MCM3AP: variants seen among roughly 807,000 people sequenced by gnomAD.
The protein encoded by MCM3AP is germinal-center associated nuclear protein.
Under a neutral mutation model 184.1 loss-of-function variants are expected in MCM3AP, and 126 were observed. That is an observed-to-expected ratio of 0.68 (90% CI 0.59 to 0.79). MCM3AP has a LOEUF of 0.79. Ranked by LOEUF, MCM3AP falls within the 30% of genes least tolerant of loss-of-function variation. MCM3AP has a pLI of 0.00. For missense variants in MCM3AP, 2,496 were observed against 2,479.2 expected (o/e 1.01, Z -0.14); for synonymous variants, 1,002 against 979.3 (o/e 1.02, Z -0.43).
In MCM3AP at chr21:46,284,239, T is replaced by A; in HGVS notation, c.1048A>T (p.Lys350Ter). The A allele has an allele frequency of 6.2e-7, 1 of 1,614,180 alleles. No homozygotes were observed. Among genetic ancestry groups the A allele is most frequent in the Non-Finnish European group, 8.5e-7 (1 of 1,180,026 alleles). The stretch of plus-strand genomic sequence containing the variant: ...TTGTTGCCCAGACGACCTACTTCCT[T>A]ATTGCTTTTGAAAACATCCTGTATC... ...RTIQDVFKSN[K>*]EVGRLGNKEA... The change falls in exon 1 of 28, where the codon AAG becomes TAG. Residue 350 changes from lysine (K) to a stop codon, truncating the protein, a stop_gained. Coordinates refer to ENST00000291688, the MANE Select transcript of MCM3AP (RefSeq NM_003906.5). LOFTEE classifies it high-confidence loss of function.
At chr21:46,244,658 T>A in intron 23 of MCM3AP, 149 bp downstream of exon 23, 1 of 835,664 alleles carries the variant, frequency 1.2e-6, no homozygotes, top group Non-Finnish European at 1.9e-6. Context: ...CAAAGGAAGG[T>A]GCAGGCGAGC....
Position 46,265,386 on chromosome 21 carries a change from G to A in MCM3AP, c.3169C>T (p.Leu1057Phe), listed in dbSNP as rs771684934. The change falls in exon 12 of 28, where the codon CTC becomes TTC. Residue 1057 changes from leucine to phenylalanine, a missense_variant. Leu to Phe is a conservative substitution (Grantham distance 22). Coordinates refer to ENST00000291688, the MANE Select transcript of MCM3AP (RefSeq NM_003906.5). ...TCAGGCTGCACAGACAGCTGGAAGA[G>A]GCTGGGCGCCACAGACGGGGTCAGT... ...LALTPSVAPSLFQLSVQPEPP... is the reference protein window; with the variant it reads ...LALTPSVAPSFFQLSVQPEPP... 18 of 1,613,984 alleles carry A rather than the reference G, an allele frequency of 1.1e-5. No homozygotes were observed. Among genetic ancestry groups the A allele is most frequent in the Non-Finnish European group, 1.5e-5 (18 of 1,180,042 alleles).
chr21:46,247,016 C>CA (rs1226777212), intron 20 of MCM3AP, 130 bp from the exon 21 acceptor site: 1 of 880,862 alleles, frequency 1.1e-6, no homozygotes, highest in Non-Finnish European at 1.8e-6. Flanking sequence ...GACAGGCCTC[C>CA]AAGGGCACAG....
At chr21:46,278,164 GA>G (rs10581831) in intron 4 of MCM3AP, among the ~76,000 whole-genome samples, 19,464 of 139,002 alleles carry the variant, frequency 0.14, 1,500 homozygotes, top group African/African-American at 0.23. Flanking sequence ...ACCACCCCCC[GA>G]AAAAAAAAAA....
At chr21:46,283,127 G>A (rs1201842706) in intron 2 of MCM3AP, among the ~76,000 whole-genome samples, 8 of 152,018 alleles carry the variant, frequency 5.3e-5, no homozygotes, top group East Asian at 1.9e-4. Context: ...GGGTTTCACC[G>A]TGTTAGCCAG....
chr21:46,267,243 G>A, intron 9 of MCM3AP, 101 bp from the exon 10 acceptor site: 5 of 1,151,062 alleles, frequency 4.3e-6, no homozygotes, highest in Non-Finnish European at 6.2e-6. Context: ...GGGCACATGG[G>A]CTCCTCCTGG....
intron 8 of MCM3AP, among the ~76,000 whole-genome samples, 195 bp downstream of exon 8, chr21:46,272,366 C>G (rs2081191752): frequency 6.6e-6 from 1 of 152,154 alleles, no homozygotes; most frequent in African/African-American, 2.4e-5. Context: ...GGTCCCAGGG[C>G]ACACCCCCAT....
At position 46,259,053 on chromosome 21, in the gene MCM3AP, C is replaced by T. The variant is rs139982696; in HGVS notation, c.3620G>A (p.Arg1207His). Residue 1207 changes from arginine (R) to histidine (H), a missense_variant, in exon 16 of 28, where the codon CGT (arginine) becomes CAT (histidine). By Grantham distance (29) the Arg-to-His change is conservative (BLOSUM62 0). Coordinates refer to ENST00000291688, the MANE Select transcript of MCM3AP (RefSeq NM_003906.5). ...GTGGGCACAGACATCCTCACAGCAA[C>T]GGGCCACACGGACCCTCTGGTCTGT... ...VETDQRVRVA[R>H]CCEDVCAHLV... 2.0e-5 allele frequency: 32 copies of T among 1,613,896 alleles called. No individual in the cohort carries two copies. Among genetic ancestry groups the T allele is most frequent in the Admixed American group, 5.0e-5 (3 of 59,962 alleles).
chr21:46,260,414 T>C (rs2081026969), intron 15 of MCM3AP, among the ~76,000 whole-genome samples: 2 of 152,130 alleles, frequency 1.3e-5, no homozygotes, highest in Admixed American at 1.3e-4. Flanking sequence ...GTCTCTTGAG[T>C]TGCTGGGACT....
chr21:46,267,362 T>C (rs1483798016), intron 9 of MCM3AP: 6 of 542,070 alleles, frequency 1.1e-5, no homozygotes, highest in South Asian at 9.6e-5. Context: ...AACACTCTCA[T>C]AGAGAAGGAT....
chr21:46,243,353 GGATAGA>G, intron 24 of MCM3AP, 106 bp downstream of exon 24: 1 of 1,273,132 alleles, frequency 7.9e-7, no homozygotes, highest in East Asian at 2.3e-5. Flanking sequence ...AGGAAAGGAA[GGATAGA>G]GACCCAAAAG....
intron 9 of MCM3AP, 76 bp from the exon 10 acceptor site, chr21:46,267,218 G>T (rs2081124800): frequency 3.5e-6 from 5 of 1,434,302 alleles, no homozygotes; most frequent in Non-Finnish European, 4.8e-6. Flanking sequence ...CATGACCACA[G>T]CCATGGCCAG....
rs372533341 is a variant in MCM3AP at position 46,285,056 on chromosome 21, T to C, written c.231A>G (p.Gln77=). The change falls in exon 1 of 28, where the codon CAA becomes CAG. Residue 77 remains glutamine (Q), a synonymous_variant. Transcript: ENST00000291688. ...CAGAAAAGGGTCCAACACTTGAGGT[T>C]TGGGTGAACCCTAATGTTTGCACTG... The part of the protein sequence containing the change: ...SSSVQTLGFT[Q]TSSVGPFSGL... The C allele has an allele frequency of 8.1e-6, 13 of 1,614,128 alleles. No individual in the cohort carries two copies. The African/African-American group carries it at 1.5e-4, about 18-fold the overall frequency.
rs769036222 is a variant in MCM3AP, at chr21:46,272,821, C to T, written c.2205G>A (p.Thr735=). 5.2e-5 allele frequency: 82 copies of T among 1,588,474 alleles called. No homozygotes were observed. Among genetic ancestry groups the T allele is most frequent in the Non-Finnish European group, 6.4e-5 (75 of 1,165,942 alleles). The change falls in exon 8 of 28, where the codon ACG becomes ACA. Residue 735 remains threonine (T), a synonymous_variant. Transcript: ENST00000291688. ...NRTRGIRKDI[T]QQHLCDPLTV... ...TCAGGGGGTCACAGAGGTGCTGCTG[C>T]GTGATATCCTGGCCACAGGCGAGGG...
intron 6 of MCM3AP, among the ~76,000 whole-genome samples, chr21:46,274,582 G>A (rs1249699301): frequency 6.6e-6 from 1 of 152,136 alleles, no homozygotes; most frequent in Non-Finnish European, 1.5e-5. Flanking sequence ...ATTGTATCTA[G>A]AGCATAATCT....
chr21:46,273,684 A>C (rs181328996), intron 6 of MCM3AP, 99 bp from the exon 7 acceptor site: 10 of 784,268 alleles, frequency 1.3e-5, no homozygotes, highest in Middle Eastern at 3.2e-4. Context: ...ACACACCCAC[A>C]CAAGATCAGT....
intron 9 of MCM3AP, 144 bp downstream of exon 9, chr21:46,270,257 G>A (rs1195149711): frequency 3.8e-5 from 28 of 730,270 alleles, no homozygotes; most frequent in East Asian, 2.8e-4. Flanking sequence ...GGGCAACACC[G>A]GTAACCCCTT....
Position 46,235,235 on chromosome 21 carries a change from C to T in MCM3AP, c.*33G>A, listed in dbSNP as rs377688425. On this transcript the variant is annotated 3_prime_UTR_variant, in exon 28 of 28. Coordinates refer to ENST00000291688, the MANE Select transcript of MCM3AP (RefSeq NM_003906.5). ...ATTTTGAGTAAAAACAGAAACTCTT[C>T]GGGAGAGACCCCCTCCCCACAGGTC... 1.7e-5 allele frequency: 27 copies of T among 1,607,288 alleles called. No individual in the cohort carries two copies. The highest frequency in any genetic ancestry group is 6.7e-5 in the African/African-American group (5 of 74,746).
intron 13 of MCM3AP, among the ~76,000 whole-genome samples, chr21:46,262,925 G>A (rs1300948449): frequency 7.1e-5 from 9 of 127,016 alleles, no homozygotes; most frequent in East Asian, 2.6e-4. Context: ...CCGAGATCAC[G>A]CCACTGCACT....
Sources: gnomAD v4.1 joint callset for allele counts (sites outside exome capture counted in the v4.1 genomes callset) on GRCh38, gnomAD v4.1.1 for gene constraint, MANE v1.5 for transcripts, NCBI Gene and HGNC (gene_info 2026-07-23, HGNC 2026-07-21) for gene names.